CALN1: variants seen among roughly 807,000 people sequenced by gnomAD.
CALN1 encodes calcium-binding protein 8.
A neutral mutation model predicts 30.6 loss-of-function variants in CALN1; 17 were observed. The observed-to-expected ratio is 0.56, with a 90% CI of 0.38 to 0.83. CALN1 has a LOEUF of 0.83. Ranked by LOEUF, CALN1 falls within the 40% of genes least tolerant of loss-of-function variation. CALN1 has a pLI of 0.00. For missense variants in CALN1, 291 were observed against 354.9 expected (o/e 0.82, Z 1.45); for synonymous variants, 156 against 131.4 (o/e 1.19, Z -1.28).
the CALN1 span, among the ~76,000 whole-genome samples, chr7:72,492,779 C>G: frequency 6.6e-6 from 1 of 152,228 alleles, no homozygotes; most frequent in Non-Finnish European, 1.5e-5. Context: ...AGAAAATACA[C>G]TGGCTGCCGA....
At chr7:72,255,237 C>A (rs867399502) in intron 3 of CALN1, among the ~76,000 whole-genome samples, 66 of 151,530 alleles carry the variant, frequency 4.4e-4, no homozygotes, top group African/African-American at 1.3e-3. Context: ...AGGTGCCCGC[C>A]ACCACACCCG....
intron 5 of CALN1, among the ~76,000 whole-genome samples, chr7:71,930,592 A>G (rs978624162): frequency 6.6e-6 from 1 of 152,016 alleles, no homozygotes; most frequent in African/African-American, 2.4e-5. Context: ...CAATTTGCCT[A>G]TTTTATCTTT....
chr7:72,307,058 A>T (rs1405026575), intron 2 of CALN1, among the ~76,000 whole-genome samples: 1 of 152,222 alleles, frequency 6.6e-6, no homozygotes, highest in Non-Finnish European at 1.5e-5. Context: ...TTGAAGACAG[A>T]CAAAGTCAGG....
At chr7:71,972,820 G>A (rs1176874286) in intron 5 of CALN1, among the ~76,000 whole-genome samples, 2 of 152,194 alleles carry the variant, frequency 1.3e-5, no homozygotes, top group Non-Finnish European at 2.9e-5. Context: ...CTGTAACCAG[G>A]AGAGGCTGAT....
chr7:72,148,244 T>G (rs1394347006), intron 3 of CALN1, among the ~76,000 whole-genome samples: 1 of 147,742 alleles, frequency 6.8e-6, no homozygotes, highest in Non-Finnish European at 1.5e-5. Context: ...AGTAATGAGT[T>G]CACATCAAAT....
At chr7:72,320,814 G>A (rs894136324) in intron 2 of CALN1, among the ~76,000 whole-genome samples, 9 of 129,226 alleles carry the variant, frequency 7.0e-5, no homozygotes, top group Non-Finnish European at 1.1e-4. Context: ...TAGCCTGGGC[G>A]ACAGAGCGAG....
chr7:72,399,418 ACAC>A (rs1806191585), intron 2 of CALN1, among the ~76,000 whole-genome samples: 1 of 151,666 alleles, frequency 6.6e-6, no homozygotes, highest in South Asian at 2.1e-4. Context: ...CTGTAAGCGC[ACAC>A]CACCACCCCC....
At chr7:72,065,140 TTTAAAATATTAATA>T (rs141096285) in intron 4 of CALN1, among the ~76,000 whole-genome samples, 17,086 of 148,314 alleles carry the variant, frequency 0.12, 1,236 homozygotes, top group East Asian at 0.19. Flanking sequence ...ATATTTATAT[TTTAAAATATTAATA>T]TTAAAATATT....
intron 5 of CALN1, among the ~76,000 whole-genome samples, chr7:71,914,080 TA>T (rs1794566132): frequency 6.6e-6 from 1 of 152,126 alleles, no homozygotes; most frequent in African/African-American, 2.4e-5. Flanking sequence ...AATTCCGGGG[TA>T]AAAGTGCAGG....
chr7:71,858,272 T>C (rs1292925692), intron 5 of CALN1, among the ~76,000 whole-genome samples: 1 of 152,182 alleles, frequency 6.6e-6, no homozygotes, highest in Non-Finnish European at 1.5e-5. Flanking sequence ...CTTCATCTCC[T>C]GCCGTGATTG....
chr7:72,500,269 CTTTTTTTTTTTTTTTTT>C, the CALN1 span, among the ~76,000 whole-genome samples: 4 of 51,364 alleles, frequency 7.8e-5, no homozygotes, highest in East Asian at 8.5e-4. Context: ...TTCGTTCCTT[CTTTTTTTTTTTTTTTTT>C]TTTTTTTTTT....
At chr7:72,031,662 G>T (rs568678727) in intron 4 of CALN1, among the ~76,000 whole-genome samples, 29 of 151,908 alleles carry the variant, frequency 1.9e-4, no homozygotes, top group African/African-American at 6.8e-4. Context: ...TGAACTCCTG[G>T]GTTCGAGTGA....
At chr7:72,375,132 G>C (rs1252152497) in intron 2 of CALN1, among the ~76,000 whole-genome samples, 1 of 152,146 alleles carries the variant, frequency 6.6e-6, no homozygotes, top group African/African-American at 2.4e-5. Context: ...ACCATCAGTG[G>C]CTTAAACACG....
In CALN1 at chr7:71,795,637, C is replaced by T. The variant is rs763704932; in HGVS notation, c.659-7735G>A. Among the ~76,000 whole-genome samples, 50 of 152,186 alleles carry T rather than the reference C, an allele frequency of 3.3e-4. 1 individual carries two copies. The Middle Eastern group carries it at 0.01, about 31-fold the overall frequency. On this transcript the variant is annotated intron_variant, in intron 6 of 6. Transcript: ENST00000395275. ...GCACATTAACAGTCGCTGCTCATTC[C>T]GCTCGCTCTGCAGCCCCAGGCAAAC...
At chr7:71,901,371 C>G (rs1001573952) in intron 5 of CALN1, among the ~76,000 whole-genome samples, 4 of 149,206 alleles carry the variant, frequency 2.7e-5, no homozygotes, top group Non-Finnish European at 4.4e-5. Context: ...TATCAAAGTA[C>G]TAATATCATT....
chr7:72,245,876 T>C (rs148276231), intron 3 of CALN1, among the ~76,000 whole-genome samples: 6 of 152,314 alleles, frequency 3.9e-5, no homozygotes, highest in South Asian at 2.1e-4. Context: ...TAGATGTGTT[T>C]CCATTCCACC....
chr7:72,306,252 A>G (rs577819975), intron 2 of CALN1, among the ~76,000 whole-genome samples: 2 of 152,356 alleles, frequency 1.3e-5, no homozygotes, highest in East Asian at 1.9e-4. Context: ...GTACATCTGT[A>G]AAGAATCTCT....
At chr7:71,964,110 T>C (rs1029036390) in intron 5 of CALN1, among the ~76,000 whole-genome samples, 2 of 152,232 alleles carry the variant, frequency 1.3e-5, no homozygotes, top group Admixed American at 1.3e-4. Flanking sequence ...TTGCTAAGTA[T>C]GTCATATCAT....
At chr7:72,223,553 C>T (rs973879245) in intron 3 of CALN1, among the ~76,000 whole-genome samples, 1 of 152,200 alleles carries the variant, frequency 6.6e-6, no homozygotes. Flanking sequence ...CCTGCACTTT[C>T]CCTGAACTTG....
Sources: gnomAD v4.1 joint callset for allele counts (sites outside exome capture counted in the v4.1 genomes callset) on GRCh38, gnomAD v4.1.1 for gene constraint, MANE v1.5 for transcripts, NCBI Gene and HGNC (gene_info 2026-07-23, HGNC 2026-07-21) for gene names.